The following COX16 variants were observed in gnomAD, a reference collection of about 807,000 sequenced individuals.
The protein encoded by COX16 is cytochrome c oxidase assembly factor COX16.
Under a neutral mutation model 15.4 loss-of-function variants are expected in COX16, and 12 were observed. The ratio of observed to expected loss-of-function variants is 0.78; its 90% CI spans 0.50 to 1.26. The LOEUF is 1.26. Among genes scored for constraint, COX16 ranks in the 50% most tolerant of loss-of-function variants. The pLI is 0.00. For missense variants in COX16, 124 were observed against 127.6 expected (o/e 0.97, Z 0.14); for synonymous variants, 46 against 41.1 (o/e 1.12, Z -0.46).
Position 70,326,325 on chromosome 14 carries a change from C to T in COX16, c.*8G>A. 6.9e-7 allele frequency: 1 copy of T among 1,442,556 alleles called. No homozygotes were observed. The highest frequency in any genetic ancestry group is 1.5e-5 in the African/African-American group (1 of 67,184). The allele number at this position is 1,442,556 out of a possible 1,614,324, so 89.4% of individuals were successfully genotyped here. The stretch of plus-strand genomic sequence containing the variant: ...AAAAAAAAAAAAAGGAAAAAAGAAT[C>T]AGCAGAGTCAAGTTGTCTTAGTCTT... On this transcript the variant is annotated 3_prime_UTR_variant, in exon 4 of 4. Coordinates refer to ENST00000389912, the MANE Select transcript of COX16 (RefSeq NM_016468.7).
At position 70,331,755 on chromosome 14, in the gene COX16, A is replaced by G. The variant is rs558033349; in HGVS notation, c.142-2519T>C. 6.3e-4 allele frequency among the ~76,000 whole-genome samples: 8 copies of G among 12,604 alleles called. No homozygotes were observed. In the South Asian group the frequency reaches 0.021, roughly 33 times the overall value. The allele number at this position is 12,604 out of a possible 152,430, so 8.3% of individuals were successfully genotyped here. A position where few individuals can be genotyped will look rare whatever the true frequency, so the allele number is the denominator to read the frequency against. The stretch of plus-strand genomic sequence containing the variant: ...AAATTGAAGTATGATACAACACCCT[A>G]TAATCTAGCAATTCCTTTTTGTACA... On this transcript the variant is annotated intron_variant, in intron 2 of 3. Coordinates refer to ENST00000389912, the MANE Select transcript of COX16 (RefSeq NM_016468.7).
chr14:70,345,471 T>C (rs1230126249), intron 1 of COX16, among the ~76,000 whole-genome samples: 2 of 152,160 alleles, frequency 1.3e-5, no homozygotes. Flanking sequence ...ACTCCGGTCC[T>C]CCATTCCAAA....
intron 2 of COX16, among the ~76,000 whole-genome samples, chr14:70,331,483 A>G (rs1886289305): frequency 6.6e-6 from 1 of 152,228 alleles, no homozygotes; most frequent in South Asian, 2.1e-4. Context: ...ACAAAAATGA[A>G]TATACAAAAT....
At chr14:70,330,839 T>C (rs1394566545) in intron 2 of COX16, among the ~76,000 whole-genome samples, 4 of 152,090 alleles carry the variant, frequency 2.6e-5, no homozygotes, top group African/African-American at 9.7e-5. Context: ...AATATATTCC[T>C]CACATCACAT....
At chr14:70,343,203 TC>T (rs933229170) in intron 1 of COX16, among the ~76,000 whole-genome samples, 2 of 152,300 alleles carry the variant, frequency 1.3e-5, no homozygotes, top group African/African-American at 4.8e-5. Context: ...TGAAACCTGA[TC>T]AACTGATCAG....
At chr14:70,359,485 A>C (rs1407731390) in intron 1 of COX16, 34 bp downstream of exon 1, 1 of 1,576,416 alleles carries the variant, frequency 6.3e-7, no homozygotes, top group Non-Finnish European at 8.7e-7. Flanking sequence ...GGAGGGTCCC[A>C]CCCCTTGCGG....
chr14:70,348,389 C>A (rs1886845147), intron 1 of COX16, among the ~76,000 whole-genome samples: 3 of 152,200 alleles, frequency 2.0e-5, no homozygotes. Context: ...CATGCTCTTT[C>A]CTGAAGCTAC....
intron 2 of COX16, among the ~76,000 whole-genome samples, chr14:70,338,416 G>A (rs1256076318): frequency 6.6e-6 from 1 of 152,064 alleles, no homozygotes; most frequent in East Asian, 1.9e-4. Flanking sequence ...CCCGGCCCCA[G>A]AAGATAATTT....
At chr14:70,329,890 T>C (rs1594907200) in intron 2 of COX16, among the ~76,000 whole-genome samples, 1 of 151,744 alleles carries the variant, frequency 6.6e-6, no homozygotes, top group African/African-American at 2.4e-5. Context: ...AATAGAAGCA[T>C]AACCAGAGGA....
intron 2 of COX16, among the ~76,000 whole-genome samples, chr14:70,341,624 C>T (rs1193598645): frequency 1.3e-5 from 2 of 152,108 alleles, no homozygotes. Context: ...TATTTTTCTT[C>T]AGTTTTTTCA....
chr14:70,332,764 A>G (rs1457021039), intron 2 of COX16, among the ~76,000 whole-genome samples: 1 of 152,232 alleles, frequency 6.6e-6, no homozygotes, highest in Admixed American at 6.5e-5. Flanking sequence ...CAGCAGATCC[A>G]GAAGGGGTCC....
chr14:70,354,436 G>A (rs1887062228), intron 1 of COX16, among the ~76,000 whole-genome samples: 1 of 152,168 alleles, frequency 6.6e-6, no homozygotes, highest in Admixed American at 6.5e-5. Flanking sequence ...AGGGAGAAGA[G>A]GAGAGCTGGA....
At chr14:70,330,876 C>G (rs6573952) in intron 2 of COX16, among the ~76,000 whole-genome samples, 132,525 of 152,232 alleles carry the variant, frequency 0.87, 57,747 homozygotes, top group East Asian at 0.93. Context: ...ATCAATTCCA[C>G]ATAGAATGTA....
intron 1 of COX16, among the ~76,000 whole-genome samples, chr14:70,356,871 A>C (rs957204458): frequency 1.3e-5 from 2 of 152,112 alleles, no homozygotes; most frequent in Non-Finnish European, 2.9e-5. Context: ...AAATGCCTGA[A>C]TCTCAGGAAG....
chr14:70,329,489 C>A (rs1157462700), intron 2 of COX16, among the ~76,000 whole-genome samples: 5 of 151,948 alleles, frequency 3.3e-5, no homozygotes, highest in Non-Finnish European at 5.9e-5. Flanking sequence ...CTTGTTTCAT[C>A]CTCACAAAAT....
chr14:70,359,478 G>C (rs779764064), intron 1 of COX16, 41 bp downstream of exon 1: 1 of 1,558,518 alleles, frequency 6.4e-7, no homozygotes, highest in Non-Finnish European at 8.9e-7. Context: ...CCAAGGAGGA[G>C]GGTCCCACCC....
At chr14:70,337,030 C>T (rs533436100) in intron 2 of COX16, among the ~76,000 whole-genome samples, 2 of 152,146 alleles carry the variant, frequency 1.3e-5, no homozygotes, top group Non-Finnish European at 2.9e-5. Context: ...CTTGACACAC[C>T]TGGTAAACCC....
At chr14:70,352,653 T>C (rs1886995247) in intron 1 of COX16, among the ~76,000 whole-genome samples, 1 of 141,802 alleles carries the variant, frequency 7.1e-6, no homozygotes, top group African/African-American at 2.6e-5. Flanking sequence ...TTCTTTTTTT[T>C]TTTTTTTTTT....
At chr14:70,350,391 C>G (rs1886916681) in intron 1 of COX16, among the ~76,000 whole-genome samples, 1 of 152,122 alleles carries the variant, frequency 6.6e-6, no homozygotes, top group South Asian at 2.1e-4. Context: ...CCCGCCTGCA[C>G]CCAGGCGCTC....
Sources: allele counts gnomAD v4.1 joint callset (sites outside exome capture counted in the v4.1 genomes callset), GRCh38; gene constraint gnomAD v4.1.1; transcripts MANE v1.5; gene names NCBI Gene and HGNC (gene_info 2026-07-23, HGNC 2026-07-21).